CUX2: variants seen among roughly 807,000 people sequenced by gnomAD.
CUX2 encodes cut like homeobox 2.
Under a neutral mutation model 144.8 loss-of-function variants are expected in CUX2, and 40 were observed. The observed-to-expected ratio is 0.28, with a 90% confidence interval of 0.21 to 0.36. The LOEUF is 0.36. CUX2 is among the 10% of genes least tolerant of loss of function. The probability of loss-of-function intolerance (pLI) is 1.00; values close to 1 mark genes in which losing one functional copy is unlikely to be tolerated. For synonymous variants in CUX2, 827 were observed against 875.6 expected (o/e 0.94, Z 0.98); for missense variants, 1,615 against 1,994.0 (o/e 0.81, Z 3.62).
chr12:111,202,734 A>G (rs1457220025), intron 1 of CUX2, among the ~76,000 whole-genome samples: 4 of 152,162 alleles, frequency 2.6e-5, no homozygotes, highest in Admixed American at 2.6e-4. Context: ...AGAAGTGACT[A>G]CATAAATGTG....
intron 4 of CUX2, among the ~76,000 whole-genome samples, chr12:111,270,874 C>A (rs1322296591): frequency 1.3e-5 from 2 of 152,160 alleles, no homozygotes; most frequent in Non-Finnish European, 2.9e-5. Context: ...GAGGTTGACA[C>A]ACCTGGGTGG....
At chr12:111,050,553 C>T (rs549025736) in intron 1 of CUX2, among the ~76,000 whole-genome samples, 19 of 152,160 alleles carry the variant, frequency 1.2e-4, no homozygotes, top group African/African-American at 3.9e-4. Context: ...TGGCTCCATC[C>T]GGGTCTACAG....
At position 111,169,174 on chromosome 12, in the gene CUX2, A is replaced by G. The variant is rs1191555469; in HGVS notation, c.64-45026A>G. Among the ~76,000 whole-genome samples the G allele has an allele frequency of 3.9e-5, 6 of 152,176 alleles. No homozygotes were observed. In the East Asian group the frequency reaches 1.2e-3, roughly 29 times the overall value. ...CAAAAGGCCACATGAAGACAGGGAC[A>G]CTCAGGGAGAAAGTCATGTGATGAC... On this transcript the variant is annotated intron_variant, in intron 1 of 21. Coordinates refer to ENST00000261726, the MANE Select transcript of CUX2 (RefSeq NM_015267.4).
At chr12:111,079,581 G>A (rs1871752012) in intron 1 of CUX2, among the ~76,000 whole-genome samples, 1 of 152,106 alleles carries the variant, frequency 6.6e-6, no homozygotes, top group Non-Finnish European at 1.5e-5. Context: ...GACTTAGTGA[G>A]ACCTAGAAGA....
chr12:111,088,867 C>G (rs1214206601), intron 1 of CUX2, among the ~76,000 whole-genome samples: 1 of 152,142 alleles, frequency 6.6e-6, no homozygotes, highest in Non-Finnish European at 1.5e-5. Context: ...CATGGTACCC[C>G]CGTCTGACGA....
chr12:111,162,071 G>A (rs1877807417), intron 1 of CUX2, among the ~76,000 whole-genome samples: 1 of 152,186 alleles, frequency 6.6e-6, no homozygotes, highest in Non-Finnish European at 1.5e-5. Context: ...CAGCAGGGGC[G>A]TTACTGTTAT....
rs185432351 is a variant in CUX2, at chr12:111,324,982, G to A, written c.2926+2402G>A. 4.1e-3 allele frequency among the ~76,000 whole-genome samples: 627 copies of A among 152,156 alleles called. 3 individuals are homozygous for A. Among genetic ancestry groups the A allele is most frequent in the African/African-American group, 0.013 (524 of 41,514 alleles). ...AAACTCCTCTCCATAAGGCTGTAAC[G>A]AGGATTAAAAGCAGCCATGCTGGCC... On this transcript the variant is annotated intron_variant, in intron 18 of 21. Coordinates refer to ENST00000261726, the MANE Select transcript of CUX2 (RefSeq NM_015267.4).
chr12:111,156,107 A>C (rs1302750074), intron 1 of CUX2, among the ~76,000 whole-genome samples: 1 of 152,068 alleles, frequency 6.6e-6, no homozygotes, highest in Non-Finnish European at 1.5e-5. Flanking sequence ...TGAGTTTAAG[A>C]CTTTAATAGT....
chr12:111,065,124 G>C (rs985036176), intron 1 of CUX2, among the ~76,000 whole-genome samples: 1 of 152,200 alleles, frequency 6.6e-6, no homozygotes, highest in Non-Finnish European at 1.5e-5. Flanking sequence ...GTATCTCTGT[G>C]AATTCTATGT....
chr12:111,176,846 G>A (rs1451095559), intron 1 of CUX2, among the ~76,000 whole-genome samples: 2 of 152,168 alleles, frequency 1.3e-5, no homozygotes, highest in African/African-American at 4.8e-5. Context: ...TTCACCGGAG[G>A]AAATGCCTGC....
At chr12:111,334,370 C>T (rs1372383372) in intron 18 of CUX2, 71 bp from the exon 19 acceptor site, 2 of 1,487,822 alleles carry the variant, frequency 1.3e-6, no homozygotes, top group Admixed American at 2.4e-5. Flanking sequence ...CTGTAAGAAG[C>T]AAGCCTCCCG....
Position 111,310,456 on chromosome 12 carries a change from C to A in CUX2, c.1674C>A (p.Ile558=). ...AGGAGCAGCTGGACACGGCAGAGAT[C>A]GCCTTCCAGGTGAAGGAGCAGCTGC... ...AEEEQLDTAE[I]AFQVKEQLLK... Residue 558 remains isoleucine, a synonymous_variant, in exon 15 of 22, where the codon ATC becomes ATA. Transcript: ENST00000261726. This position sits in a 1 kb window ranked among gnomAD's most constrained non-coding sequence, Gnocchi z 7.9. 1.2e-6 allele frequency: 2 copies of A among 1,613,472 alleles called. No homozygotes were observed. The highest frequency in any genetic ancestry group is 2.2e-5 in the South Asian group (2 of 91,082).
In CUX2 at chr12:111,191,571, C is replaced by T. The variant is rs141943974; in HGVS notation, c.64-22629C>T. Among the ~76,000 whole-genome samples, 351 of 152,254 alleles carry T rather than the reference C, an allele frequency of 2.3e-3. 2 individuals are homozygous for T. Among genetic ancestry groups the T allele is most frequent in the African/African-American group, 7.7e-3 (320 of 41,548 alleles). Reference sequence around the variant, plus strand: ...CAGAACCTGACCTCAAGTGATCTGCCTACCTTGGCCCCCCAAAGTGTCGGG... The same window carrying T: ...CAGAACCTGACCTCAAGTGATCTGCTTACCTTGGCCCCCCAAAGTGTCGGG... On this transcript the variant is annotated intron_variant, in intron 1 of 21. Transcript: ENST00000261726.
Position 111,151,584 on chromosome 12 carries a change from G to A in CUX2, c.64-62616G>A, listed in dbSNP as rs143376158. Among the ~76,000 whole-genome samples, 314 of 152,314 alleles carry A rather than the reference G, an allele frequency of 2.1e-3. 1 individual carries two copies. Among genetic ancestry groups the A allele is most frequent in the Middle Eastern group, 0.01 (3 of 294 alleles). On this transcript the variant is annotated intron_variant, in intron 1 of 21. Transcript: ENST00000261726. ...AGCGAGAATTGGGCACCTACTGAATGCGTGGAGGGCAGACGGCAGAGGAAG... is the reference window on the plus strand; with the variant it reads ...AGCGAGAATTGGGCACCTACTGAATACGTGGAGGGCAGACGGCAGAGGAAG...
At chr12:111,216,075 G>T (rs965102476) in intron 2 of CUX2, among the ~76,000 whole-genome samples, 20 of 152,158 alleles carry the variant, frequency 1.3e-4, no homozygotes, top group African/African-American at 4.6e-4. Flanking sequence ...TCCTGCTCGC[G>T]CCTGTGCTCG....
At chr12:111,144,484 T>G (rs1454393867) in intron 1 of CUX2, among the ~76,000 whole-genome samples, 1 of 152,186 alleles carries the variant, frequency 6.6e-6, no homozygotes. Flanking sequence ...ATGTCACCTC[T>G]TCTGGAGAGC....
chr12:111,157,759 A>G (rs1877490756), intron 1 of CUX2, among the ~76,000 whole-genome samples: 1 of 152,222 alleles, frequency 6.6e-6, no homozygotes, highest in Non-Finnish European at 1.5e-5. Context: ...CTCATAAGTC[A>G]TTCTTAGGTT....
Position 111,141,227 on chromosome 12 carries a change from A to AACACACAC in CUX2, c.64-72951_64-72944dup, listed in dbSNP as rs111451932. On this transcript the variant is annotated intron_variant, in intron 1 of 21. Transcript: ENST00000261726. Reference sequence around the variant, plus strand: ...AATTAGGGACTCAGGGGCTTAGGTCAACACACACACACACACACACACACA... The same window carrying AACACACAC: ...AATTAGGGACTCAGGGGCTTAGGTCAACACACACACACACACACACACACACACACACA... Among the ~76,000 whole-genome samples the AACACACAC allele has an allele frequency of 1.2e-3, 171 of 147,446 alleles. 1 individual carries two copies. The highest frequency in any genetic ancestry group is 4.1e-3 in the African/African-American group (166 of 40,358).
At chr12:111,285,199 C>T (rs1885317722) in intron 4 of CUX2, among the ~76,000 whole-genome samples, 1 of 152,180 alleles carries the variant, frequency 6.6e-6, no homozygotes, top group Non-Finnish European at 1.5e-5. Flanking sequence ...TCTTTAGTGT[C>T]ATGCAGCAGA....
Sources: allele counts gnomAD v4.1 joint callset (sites outside exome capture counted in the v4.1 genomes callset), GRCh38; gene constraint gnomAD v4.1.1; non-coding constraint Gnocchi (gnomAD v3.1); transcripts MANE v1.5; gene names NCBI Gene and HGNC (gene_info 2026-07-23, HGNC 2026-07-21).